Variants in SMUG1 observed in about 807,000 individuals in gnomAD.
The protein encoded by SMUG1 is single-strand-selective monofunctional uracil-DNA glycosylase 1, also known as single-strand selective monofunctional uracil DNA glycosylase.
In SMUG1, 13 loss-of-function variants were observed where a neutral mutation model predicts 23.9. That is an observed-to-expected ratio of 0.54 (90% CI 0.35 to 0.86). The LOEUF (loss-of-function observed/expected upper bound fraction) is 0.86. Among genes scored for constraint, SMUG1 ranks in the 40% least tolerant of loss-of-function variants. The pLI is 0.01. For synonymous variants in SMUG1, 133 were observed against 139.8 expected, an observed-to-expected ratio of 0.95 and a Z score of 0.34; for missense variants, 313 against 339.5, an observed-to-expected ratio of 0.92 and a Z score of 0.61.
rs1592375885 is a variant in SMUG1, at chr12:54,182,414, G to A, written c.495C>T (p.Cys165=). 3 of 1,614,186 alleles carry A rather than the reference G, an allele frequency of 1.9e-6. No homozygotes were observed. Residue 165 remains cysteine, a synonymous_variant, in exon 4 of 4, where the codon TGC becomes TGT. Coordinates refer to ENST00000682136, the MANE Select transcript of SMUG1 (RefSeq NM_001243787.2). The stretch of plus-strand genomic sequence containing the variant: ...CGCTGGGAGCCAGGAAAAGCAGAGG[G>A]CATAGATTGTGGACAAAACAGTGAT... ...FFHHCFVHNL[C]PLLFLAPSGR... is the part of the protein sequence containing the mutation.
rs186052573 is a variant in SMUG1, at chr12:54,168,255, C to G, written c.*53-2777G>C. The G allele has an allele frequency of 5.3e-5, 8 of 152,368 alleles. No homozygotes were observed. In the East Asian group the frequency reaches 1.5e-3, roughly 29 times the overall value. 9.4% of individuals were successfully genotyped at this position (152,368 alleles called of 1,614,324 possible). A position where few individuals can be genotyped will look rare whatever the true frequency, so the allele number is the denominator to read the frequency against. On this transcript the variant is annotated intron_variant and NMD_transcript_variant, in intron 3 of 4. Coordinates refer to the SMUG1 transcript ENST00000509864. ...GGTTCCTCTCTCCCTATTTCTCAGT[C>G]TCCCTCAATCTTCATCATTCTCTTT...
intron 3 of SMUG1, among the ~76,000 whole-genome samples, chr12:54,171,201 T>C (rs1390130061): frequency 6.6e-6 from 1 of 151,060 alleles, no homozygotes; most frequent in Non-Finnish European, 1.5e-5. Context: ...GAGTTTCGCA[T>C]GTTGGCCAGG....
chr12:54,184,212 C>T (rs115128462), intron 2 of SMUG1: 1 of 352,212 alleles, frequency 2.8e-6, no homozygotes, highest in African/African-American at 2.1e-5. Flanking sequence ...AGCCACCAAA[C>T]ATCTCCCACT....
chr12:54,177,245 T>C (rs1023407480), downstream of SMUG1, among the ~76,000 whole-genome samples: 4 of 152,352 alleles, frequency 2.6e-5, no homozygotes, highest in African/African-American at 7.2e-5. Context: ...TGAAGACGGA[T>C]AGCAGGATGC....
chr12:54,159,942 T>G (rs1439598510), downstream of SMUG1, among the ~76,000 whole-genome samples: 1 of 152,228 alleles, frequency 6.6e-6, no homozygotes, highest in Non-Finnish European at 1.5e-5. Flanking sequence ...GTGTTGACCT[T>G]GTGCCTTCTT....
At chr12:54,169,967 G>C (rs916727558) in intron 3 of SMUG1, among the ~76,000 whole-genome samples, 9 of 152,192 alleles carry the variant, frequency 5.9e-5, no homozygotes, top group African/African-American at 2.2e-4. Context: ...GGGAGGCCAA[G>C]GCGGGCAGAT....
chr12:54,162,638 G>A (rs1189213073), downstream of SMUG1: 1 of 152,212 alleles, frequency 6.6e-6, no homozygotes, highest in Non-Finnish European at 1.5e-5. Flanking sequence ...GCAGGTATAA[G>A]ACTGAACATT....
At chr12:54,170,990 T>G (rs950611301) in intron 3 of SMUG1, among the ~76,000 whole-genome samples, 3 of 146,204 alleles carry the variant, frequency 2.1e-5, no homozygotes, top group Middle Eastern at 3.5e-3. Context: ...CCCTTCACTT[T>G]CTTTCTTTCT....
downstream of SMUG1, among the ~76,000 whole-genome samples, chr12:54,160,408 G>A (rs1167010388): frequency 1.3e-5 from 2 of 152,216 alleles, no homozygotes; most frequent in African/African-American, 4.8e-5. Context: ...CAGTCCTGAG[G>A]AGGGGTAGGG....
Position 54,181,528 on chromosome 12 carries a change from G to A in SMUG1, c.*568C>T. 6.5e-7 allele frequency: 1 copy of A among 1,535,764 alleles called. No individual in the cohort carries two copies. Among genetic ancestry groups the A allele is most frequent in the Non-Finnish European group, 8.7e-7 (1 of 1,145,748 alleles). On this transcript the variant is annotated 3_prime_UTR_variant, in exon 4 of 4. Coordinates refer to ENST00000682136, the MANE Select transcript of SMUG1 (RefSeq NM_001243787.2). ...CAAAAAGTTCCAAGTTTCAAAGCTGGGATGAAAAGCCAGGTCTTCTGACTT... is the reference window on the plus strand; with the variant it reads ...CAAAAAGTTCCAAGTTTCAAAGCTGAGATGAAAAGCCAGGTCTTCTGACTT...
At chr12:54,183,235 C>T in intron 3 of SMUG1, 1 of 292,758 alleles carries the variant, frequency 3.4e-6, no homozygotes, top group Non-Finnish European at 6.3e-6. Context: ...CTCGCCTTAG[C>T]TAGGAAACAG....
intron 3 of SMUG1, chr12:54,182,849 C>G (rs1941433692): frequency 1.3e-6 from 1 of 749,572 alleles, no homozygotes; most frequent in Non-Finnish European, 2.0e-6. Context: ...TTGTTTCCCT[C>G]TAGCCCAACT....
intron 2 of SMUG1, among the ~76,000 whole-genome samples, chr12:54,173,651 G>C (rs1287154105): frequency 6.6e-6 from 1 of 152,196 alleles, no homozygotes; most frequent in African/African-American, 2.4e-5. Context: ...GAGGAGCTGG[G>C]GGCCAGAGCG....
intron 2 of SMUG1, among the ~76,000 whole-genome samples, chr12:54,172,591 C>T (rs1387739282): frequency 3.3e-5 from 5 of 152,164 alleles, no homozygotes; most frequent in Non-Finnish European, 7.3e-5. Context: ...GGGGACGTGC[C>T]CCACTCTAGT....
downstream of SMUG1, among the ~76,000 whole-genome samples, chr12:54,177,728 G>A (rs1017482222): frequency 5.3e-5 from 8 of 151,776 alleles, no homozygotes; most frequent in African/African-American, 1.9e-4. Context: ...GCTCTAGAAT[G>A]AAGGGTAAAA....
chr12:54,171,285 C>A (rs1401897487), intron 3 of SMUG1, among the ~76,000 whole-genome samples: 2 of 149,986 alleles, frequency 1.3e-5, no homozygotes, highest in Admixed American at 1.3e-4. Context: ...CAGGTGTGAG[C>A]CACCACGCCT....
At chr12:54,179,626 C>T (rs1376730885), downstream of SMUG1, among the ~76,000 whole-genome samples, 5 of 152,190 alleles carry the variant, frequency 3.3e-5, no homozygotes, top group East Asian at 1.9e-4. Flanking sequence ...TGCATACCCT[C>T]GGGGTTTAAG....
Position 54,181,009 on chromosome 12 carries a change from A to C in SMUG1, c.*1087T>G, listed in dbSNP as rs1174519454. 2 of 150,898 alleles carry C rather than the reference A, an allele frequency of 1.3e-5. No homozygotes were observed. The highest frequency in any genetic ancestry group is 2.9e-5 in the Non-Finnish European group (2 of 68,012). 9.3% of individuals were successfully genotyped at this position (150,898 alleles called of 1,614,324 possible). On this transcript the variant is annotated 3_prime_UTR_variant, in exon 4 of 4. Transcript: ENST00000682136. ...TCTCAAAAAAAAAAAAAAAAGAGAG[A>C]TCTACTACATCCTTCCCCCAGCTGC...
At chr12:54,176,386 C>A (rs1372201369), downstream of SMUG1, among the ~76,000 whole-genome samples, 1 of 151,310 alleles carries the variant, frequency 6.6e-6, no homozygotes, top group Non-Finnish European at 1.5e-5. Flanking sequence ...GTGGTGCATG[C>A]CTATAGTCCC....
Sources: allele counts gnomAD v4.1 joint callset (sites outside exome capture counted in the v4.1 genomes callset), GRCh38; gene constraint gnomAD v4.1.1; transcripts MANE v1.5; gene names NCBI Gene and HGNC (gene_info 2026-07-23, HGNC 2026-07-21).